CACNA1H: variants seen among roughly 807,000 people sequenced by gnomAD.
The protein encoded by CACNA1H is calcium voltage-gated channel subunit alpha1 H.
CACNA1H carries 149 observed loss-of-function variants against 192.5 expected under a neutral mutation model. The observed-to-expected ratio is 0.77, with a 90% CI of 0.68 to 0.89. CACNA1H has a LOEUF of 0.89. Among genes scored for constraint, CACNA1H ranks in the 40% least tolerant of loss-of-function variants. The probability of loss-of-function intolerance (pLI) is 0.00; values close to 1 mark genes in which losing one functional copy is unlikely to be tolerated. For missense variants in CACNA1H, 4,257 were observed against 3,423.5 expected (o/e 1.24, Z -6.08); for synonymous variants, 2,202 against 1,475.2 (o/e 1.49, Z -11.29).
chr16:1,165,487 C>G (rs1363757060), intron 2 of CACNA1H, among the ~76,000 whole-genome samples: 2 of 152,204 alleles, frequency 1.3e-5, no homozygotes, highest in Non-Finnish European at 2.9e-5. Flanking sequence ...AGCCCCCGTC[C>G]TGCGCACTCA....
intron 8 of CACNA1H, 95 bp from the exon 9 acceptor site, chr16:1,201,568 C>G: frequency 7.1e-7 from 1 of 1,406,420 alleles, no homozygotes; most frequent in Non-Finnish European, 9.6e-7. Context: ...GCCTGTGACG[C>G]GGCCCCCACT....
At chr16:1,203,264 C>G (rs1968211022) in intron 9 of CACNA1H, among the ~76,000 whole-genome samples, 1 of 152,212 alleles carries the variant, frequency 6.6e-6, no homozygotes, top group African/African-American at 2.4e-5. Context: ...GAAAACATCA[C>G]AGGACGGCTC....
intron 12 of CACNA1H, chr16:1,206,766 C>G (rs866721241): frequency 1.2e-5 from 6 of 519,910 alleles, no homozygotes; most frequent in African/African-American, 7.6e-5. Context: ...CTGTCTGTCC[C>G]GCCTCTGGTC....
In CACNA1H at chr16:1,202,310, G is replaced by A. The variant is rs762737078; in HGVS notation, c.1860G>A (p.Gly620=). 1.9e-6 allele frequency: 3 copies of A among 1,583,782 alleles called. No homozygotes were observed. Among genetic ancestry groups the A allele is most frequent in the African/African-American group, 1.3e-5 (1 of 74,264 alleles). Residue 620 remains glycine, a synonymous_variant, in exon 9 of 35, where the codon GGG becomes GGA. Coordinates refer to ENST00000348261, the MANE Select transcript of CACNA1H (RefSeq NM_021098.3). The part of the protein sequence containing the change: ...TMNYPTILPS[G]VGSGKGSTSP... The stretch of plus-strand genomic sequence containing the variant: ...ACTACCCCACGATCCTGCCCTCAGG[G>A]GTGGGCAGCGGCAAAGGCAGCACCA...
chr16:1,160,480 T>A (rs1963050201), intron 2 of CACNA1H, among the ~76,000 whole-genome samples: 1 of 152,126 alleles, frequency 6.6e-6, no homozygotes, highest in African/African-American at 2.4e-5. Flanking sequence ...TCTCAGCCCC[T>A]GCCCGGCTCA....
At chr16:1,164,891 G>A (rs1963601691) in intron 2 of CACNA1H, among the ~76,000 whole-genome samples, 1 of 152,208 alleles carries the variant, frequency 6.6e-6, no homozygotes, top group African/African-American at 2.4e-5. Context: ...GGTTTTTGGG[G>A]GTGGGTCGAG....
Position 1,167,324 on chromosome 16 carries a change from G to A in CACNA1H, c.299+13288G>A, listed in dbSNP as rs542779616. ...CAGGAACCTTGGATTCCTGACACACGGGTGCGGGGGCGATATCGGCGCGGA... is the reference window on the plus strand; with the variant it reads ...CAGGAACCTTGGATTCCTGACACACAGGTGCGGGGGCGATATCGGCGCGGA... On this transcript the variant is annotated intron_variant, in intron 2 of 34. Coordinates refer to ENST00000348261, the MANE Select transcript of CACNA1H (RefSeq NM_021098.3). This position sits in a 1 kb window ranked among gnomAD's most constrained non-coding sequence, Gnocchi z 4.2. 5.7e-4 allele frequency among the ~76,000 whole-genome samples: 69 copies of A among 120,664 alleles called. 1 individual carries two copies. In the East Asian group the frequency reaches 0.013, roughly 23 times the overall value. The allele number at this position is 120,664 out of a possible 152,430, so 79.2% of individuals were successfully genotyped here.
rs1034841185 is a variant in CACNA1H, at chr16:1,221,117, G to A, written c.*123G>A. 7 of 716,400 alleles carry A rather than the reference G, an allele frequency of 9.8e-6. No homozygotes were observed. The Admixed American group carries it at 2.1e-4, about 21-fold the overall frequency. The allele number at this position is 716,400 out of a possible 1,614,324, so 44.4% of individuals were successfully genotyped here. On this transcript the variant is annotated 3_prime_UTR_variant, in exon 35 of 35. Coordinates refer to ENST00000348261, the MANE Select transcript of CACNA1H (RefSeq NM_021098.3). ...TCCCGTCGTGAGCAGAAAGGCCCGGGGAGGATGACGGCCCAGGCCCTGGTT... is the reference window on the plus strand; with the variant it reads ...TCCCGTCGTGAGCAGAAAGGCCCGGAGAGGATGACGGCCCAGGCCCTGGTT...
At position 1,207,808 on chromosome 16, in the gene CACNA1H, G is replaced by A. The variant is rs766896791; in HGVS notation, c.3102G>A (p.Thr1034=). The change falls in exon 15 of 35, where the codon ACG becomes ACA. Residue 1034 remains threonine, a synonymous_variant. Transcript: ENST00000348261. The part of the protein sequence containing the change: ...ANRSDTDEDK[T]SVHFEEDFHK... The stretch of plus-strand genomic sequence containing the variant: ...GATCCGACACGGACGAGGACAAGAC[G>A]TCGGTCCACTTCGAGGAGGACTTCC... The A allele has an allele frequency of 1.6e-5, 25 of 1,603,374 alleles. No individual in the cohort carries two copies. The highest frequency in any genetic ancestry group is 5.4e-5 in the African/African-American group (4 of 74,716).
At chr16:1,187,471 A>G (rs1966186917) in intron 2 of CACNA1H, among the ~76,000 whole-genome samples, 1 of 152,134 alleles carries the variant, frequency 6.6e-6, no homozygotes, top group Admixed American at 6.5e-5. Context: ...TTTCCCGCCC[A>G]CACCCCTGCC....
At chr16:1,186,204 C>G (rs919224832) in intron 2 of CACNA1H, among the ~76,000 whole-genome samples, 1 of 150,628 alleles carries the variant, frequency 6.6e-6, no homozygotes, top group African/African-American at 2.5e-5. Flanking sequence ...CCAGGGTGTA[C>G]CGTGCTGGTC....
At chr16:1,215,473 C>T in intron 29 of CACNA1H, 50 bp from the exon 30 acceptor site, 8 of 1,595,388 alleles carry the variant, frequency 5.0e-6, no homozygotes, top group South Asian at 1.1e-5. Flanking sequence ...GGTCCCCGCG[C>T]AGCAGGGAGG....
chr16:1,217,706 C>T (rs1970145296), intron 31 of CACNA1H, among the ~76,000 whole-genome samples: 1 of 152,260 alleles, frequency 6.6e-6, no homozygotes, highest in African/African-American at 2.4e-5. Context: ...AGCCCCAGCC[C>T]AGGTGCGGCA....
intron 2 of CACNA1H, 135 bp downstream of exon 2, chr16:1,154,171 G>T (rs1341861751): frequency 1.7e-6 from 1 of 579,320 alleles, no homozygotes. Flanking sequence ...GCGCGCGGGG[G>T]TGCAGGGCAG....
chr16:1,200,614 G>A (rs750648909), intron 7 of CACNA1H, 43 bp downstream of exon 7: 10 of 1,605,420 alleles, frequency 6.2e-6, no homozygotes, highest in Non-Finnish European at 8.5e-6. Flanking sequence ...GGGCACGGCA[G>A]GGGAGCGGGT....
chr16:1,217,908 C>T lies in CACNA1H; in HGVS notation c.5324-11C>T, dbSNP rs1346408245. ...GGCTCGGCTGACCGGGCGGGGTCTC[C>T]CTCCCCGCAGAGTGCAGTGAAGACA... On this transcript the variant is annotated splice_polypyrimidine_tract_variant and intron_variant, in intron 31 of 34. Coordinates refer to ENST00000348261, the MANE Select transcript of CACNA1H (RefSeq NM_021098.3). 1.3e-6 allele frequency: 2 copies of T among 1,593,222 alleles called. No homozygotes were observed. Among genetic ancestry groups the T allele is most frequent in the African/African-American group, 1.3e-5 (1 of 74,476 alleles).
Position 1,220,563 on chromosome 16 carries a change from G to A in CACNA1H, c.6631G>A (p.Gly2211Ser). The A allele has an allele frequency of 2.0e-6, 3 of 1,533,316 alleles. No homozygotes were observed. The highest frequency in any genetic ancestry group is 1.3e-5 in the South Asian group (1 of 77,272). The allele number at this position is 1,533,316 out of a possible 1,614,324, so 95.0% of individuals were successfully genotyped here. ...EGSARPSAAE[G>S]GSTTLRRRTP... ...CTCTGCGCGGCCCTCCGCGGCAGAG[G>A]GCGGCAGCACCACACTGAGGCGCAG... The change falls in exon 35 of 35, where the codon GGC becomes AGC. Residue 2211 changes from glycine to serine, a missense_variant. Physicochemically the swap from Gly to Ser is moderately conservative, Grantham distance 56. Transcript: ENST00000348261.
At position 1,201,893 on chromosome 16, in the gene CACNA1H, C is replaced by T. The variant is rs760030641; in HGVS notation, c.1443C>T (p.Arg481=). The T allele has an allele frequency of 3.2e-6, 5 of 1,551,100 alleles. No individual in the cohort carries two copies. Among genetic ancestry groups the T allele is most frequent in the African/African-American group, 2.7e-5 (2 of 73,106 alleles). The change falls in exon 9 of 35, where the codon CGC becomes CGT. Residue 481 remains arginine (R), a synonymous_variant. Transcript: ENST00000348261. ...GGCGCAGCTTGCGCCTCTACGCCCG[C>T]TGGCAGAGCCGCTGGCGCAAGAAGG... ...VKRRSLRLYA[R]WQSRWRKKVD...
intron 2 of CACNA1H, among the ~76,000 whole-genome samples, chr16:1,176,893 G>C (rs1230695535): frequency 6.6e-6 from 1 of 152,176 alleles, no homozygotes; most frequent in Non-Finnish European, 1.5e-5. Flanking sequence ...CTTTCTGAGG[G>C]CTGAGTGTCT....
Sources: gnomAD v4.1 joint callset for allele counts (sites outside exome capture counted in the v4.1 genomes callset) on GRCh38, gnomAD v4.1.1 for gene constraint, Gnocchi (gnomAD v3.1) non-coding constraint, MANE v1.5 for transcripts, NCBI Gene and HGNC (gene_info 2026-07-23, HGNC 2026-07-21) for gene names.